RRN3: variants seen among roughly 807,000 people sequenced by gnomAD.
RRN3 encodes RNA polymerase I transcription factor RRN3, also known as RNA polymerase I-specific transcription initiation factor RRN3.
In RRN3, 38 loss-of-function variants were observed where a neutral mutation model predicts 82.3. The ratio of observed to expected loss-of-function variants is 0.46; its 90% confidence interval spans 0.36 to 0.61. The LOEUF (loss-of-function observed/expected upper bound fraction) is 0.61. Ranked by LOEUF, RRN3 falls within the 20% of genes least tolerant of loss-of-function variation. RRN3 has a pLI of 0.00. For synonymous variants in RRN3, 284 were observed against 284.3 expected (o/e 1.00, Z 0.01); for missense variants, 726 against 793.1 (o/e 0.92, Z 1.02).
chr16:15,077,711 T>C (rs1484124384), intron 9 of RRN3, among the ~76,000 whole-genome samples: 2 of 152,138 alleles, frequency 1.3e-5, no homozygotes, highest in Non-Finnish European at 2.9e-5. Flanking sequence ...CATGGTGGCA[T>C]GTGCCTGTAA....
intron 6 of RRN3, among the ~76,000 whole-genome samples, 162 bp from the exon 7 acceptor site, chr16:15,084,867 A>C (rs1391100640): frequency 6.6e-6 from 1 of 152,182 alleles, no homozygotes; most frequent in Non-Finnish European, 1.5e-5. Context: ...GGAGTTCGAG[A>C]CCAGCCTGAC....
intron 8 of RRN3, among the ~76,000 whole-genome samples, chr16:15,081,627 T>G (rs2045706775): frequency 6.6e-6 from 1 of 152,228 alleles, no homozygotes; most frequent in South Asian, 2.1e-4. Context: ...TATTTGGGGA[T>G]CCTTTTCATC....
At chr16:15,090,573 G>T (rs966728010) in intron 3 of RRN3, among the ~76,000 whole-genome samples, 7 of 152,172 alleles carry the variant, frequency 4.6e-5, no homozygotes, top group Admixed American at 3.9e-4. Context: ...AATAGCCAGA[G>T]CAACACAGCA....
intron 13 of RRN3, among the ~76,000 whole-genome samples, chr16:15,070,478 G>A (rs1443654024): frequency 6.6e-6 from 1 of 151,792 alleles, no homozygotes; most frequent in Non-Finnish European, 1.5e-5. Flanking sequence ...GACCTTCTAG[G>A]AACAGGTGAG....
chr16:15,088,246 G>A (rs554273688), intron 3 of RRN3, among the ~76,000 whole-genome samples: 85 of 152,334 alleles, frequency 5.6e-4, no homozygotes, highest in African/African-American at 2.0e-3. Context: ...GGCCAAGGCA[G>A]GAGGAGACTG....
rs745391741 is a variant in RRN3 at position 15,094,238 on chromosome 16, C to A, written c.-5G>T. ...GTGAAGCAGCGGTGCCGCCATTGGG[C>A]CGAACTAACGCGACCGCTGCGCCTC... is the stretch of plus-strand genomic sequence containing the variant. On this transcript the variant is annotated 5_prime_UTR_variant, in exon 1 of 18. Coordinates refer to ENST00000198767, the MANE Select transcript of RRN3 (RefSeq NM_018427.5). The A allele has an allele frequency of 7.6e-6, 12 of 1,579,046 alleles. No homozygotes were observed. The highest frequency in any genetic ancestry group is 6.9e-6 in the Non-Finnish European group (8 of 1,162,364).
At chr16:15,083,450 T>C in intron 8 of RRN3, 63 bp downstream of exon 8, 1 of 1,598,806 alleles carries the variant, frequency 6.3e-7, no homozygotes, top group Non-Finnish European at 8.5e-7. Context: ...AGACCTAATA[T>C]CATCTAAAAT....
At chr16:15,077,335 G>A (rs182678399) in intron 9 of RRN3, among the ~76,000 whole-genome samples, 12 of 152,194 alleles carry the variant, frequency 7.9e-5, no homozygotes, top group African/African-American at 2.6e-4. Context: ...GCTGGGGGGG[G>A]ACTGGTGGGA....
chr16:15,089,527 G>A (rs2046034283), intron 3 of RRN3, among the ~76,000 whole-genome samples: 1 of 152,122 alleles, frequency 6.6e-6, no homozygotes, highest in Non-Finnish European at 1.5e-5. Context: ...CTGGCCGGGC[G>A]TGGTTACTCA....
chr16:15,092,994 A>G (rs915828282), intron 1 of RRN3, among the ~76,000 whole-genome samples: 1 of 151,798 alleles, frequency 6.6e-6, no homozygotes, highest in Admixed American at 6.6e-5. Context: ...CTTTTCCCAA[A>G]TCTCTACGTG....
intron 9 of RRN3, among the ~76,000 whole-genome samples, chr16:15,078,366 C>A (rs2151796057): frequency 6.6e-6 from 1 of 152,220 alleles, no homozygotes; most frequent in African/African-American, 2.4e-5. Context: ...CCTGCTCCAT[C>A]CCCTCCTTCC....
chr16:15,092,225 C>T (rs1288741723), intron 2 of RRN3, among the ~76,000 whole-genome samples: 1 of 152,120 alleles, frequency 6.6e-6, no homozygotes, highest in Non-Finnish European at 1.5e-5. Context: ...AATTCTGGCA[C>T]TTGCTAAAGT....
rs139353519 is a variant in RRN3 at position 15,060,986 on chromosome 16, G to A, written c.*758C>T. ...TTACACAAGCCCGAACTCACTTTCA[G>A]TCTGTGTGAATTACATCTACCTGGA... On this transcript the variant is annotated 3_prime_UTR_variant, in exon 18 of 18. Transcript: ENST00000198767. 1 of 152,220 alleles carries A rather than the reference G, an allele frequency of 6.6e-6. No homozygotes were observed. Among genetic ancestry groups the A allele is most frequent in the East Asian group, 1.9e-4 (1 of 5,194 alleles). The allele number at this position is 152,220 out of a possible 1,614,324, so 9.4% of individuals were successfully genotyped here.
chr16:15,083,384 G>C (rs1329138620), intron 8 of RRN3, 129 bp downstream of exon 8: 1 of 1,418,054 alleles, frequency 7.1e-7, no homozygotes, highest in Non-Finnish European at 9.5e-7. Context: ...GGGCGACAGA[G>C]TGAGACTCGG....
At chr16:15,090,076 G>A (rs546137133) in intron 3 of RRN3, among the ~76,000 whole-genome samples, 4 of 152,032 alleles carry the variant, frequency 2.6e-5, no homozygotes, top group African/African-American at 9.6e-5. Context: ...CAGGCATGGT[G>A]GCGGGTGCCT....
At position 15,084,655 on chromosome 16, in the gene RRN3, T is replaced by C. The variant is rs759038667; in HGVS notation, c.583A>G (p.Arg195Gly). 3.0e-5 allele frequency: 49 copies of C among 1,610,426 alleles called. No homozygotes were observed. The highest frequency in any genetic ancestry group is 1.7e-4 in the Middle Eastern group (1 of 6,048). Reference sequence around the variant, plus strand: ...AAGTATACTCACGATGGTACATATCTTGCTATTATTTGCAAGGCTCTGTGA... The same window carrying C: ...AAGTATACTCACGATGGTACATATCCTGCTATTATTTGCAAGGCTCTGTGA... Reference protein sequence around the residue: ...TCHRALQIIARYVPSTPWFLM... With the variant: ...TCHRALQIIAGYVPSTPWFLM... The change falls in exon 7 of 18, where the codon AGA becomes GGA. Residue 195 changes from arginine (R) to glycine (G), a missense_variant. Physicochemically the swap from Arg to Gly is moderately radical, Grantham distance 125. Transcript: ENST00000198767.
Position 15,089,891 on chromosome 16 carries a change from C to G in RRN3, c.252+1424G>C, listed in dbSNP as rs1244034442. On this transcript the variant is annotated intron_variant, in intron 3 of 17. Coordinates refer to ENST00000198767, the MANE Select transcript of RRN3 (RefSeq NM_018427.5). ...GGGTGGCCAACAGTGTCGGCTGATA[C>G]AAGGAATACAAGGCTTAAAAAAGTA... 2.0e-5 allele frequency among the ~76,000 whole-genome samples: 3 copies of G among 146,738 alleles called. No individual in the cohort carries two copies. In the East Asian group the frequency reaches 6.2e-4, roughly 30 times the overall value.
rs962966633 is a variant in RRN3 at position 15,080,115 on chromosome 16, G to C, written c.667-19C>G. The C allele has an allele frequency of 1.3e-6, 2 of 1,585,880 alleles. No individual in the cohort carries two copies. The highest frequency in any genetic ancestry group is 1.7e-6 in the Non-Finnish European group (2 of 1,167,416). On this transcript the variant is annotated intron_variant, in intron 8 of 17. Transcript: ENST00000198767. ...AACATTCCTAAAGGAGAAAATGTAA[G>C]ATAAAACATTTCAACAGAGAATAAA...
chr16:15,077,499 G>A (rs945132200), intron 9 of RRN3, among the ~76,000 whole-genome samples: 1 of 151,936 alleles, frequency 6.6e-6, no homozygotes, highest in African/African-American at 2.4e-5. Flanking sequence ...TTCACCTCCC[G>A]CCATGATTCT....
Sources: allele counts gnomAD v4.1 joint callset (sites outside exome capture counted in the v4.1 genomes callset), GRCh38; gene constraint gnomAD v4.1.1; transcripts MANE v1.5; gene names NCBI Gene and HGNC (gene_info 2026-07-23, HGNC 2026-07-21).